Variants in STKLD1 observed in about 807,000 individuals in gnomAD.
The protein encoded by STKLD1 is serine/threonine kinase-like domain-containing protein STKLD1.
A neutral mutation model predicts 80.4 loss-of-function variants in STKLD1; 79 were observed. That is an observed-to-expected ratio of 0.98 (90% CI 0.82 to 1.19). The LOEUF (loss-of-function observed/expected upper bound fraction) is 1.19, where lower values mean the gene tolerates loss of function less well. Ranked by LOEUF, STKLD1 falls within the 50% of genes most tolerant of loss-of-function variation. STKLD1 has a pLI of 0.00. For missense variants in STKLD1, 841 were observed against 856.0 expected (o/e 0.98, Z 0.22); for synonymous variants, 393 against 357.6 (o/e 1.10, Z -1.12).
intron 1 of STKLD1, among the ~76,000 whole-genome samples, chr9:133,378,814 GA>G (rs112271915): frequency 0.017 from 2,586 of 152,342 alleles, 80 homozygotes; most frequent in African/African-American, 0.06. Context: ...GGTTGTAGAA[GA>G]GCTCCAGAAT....
intron 1 of STKLD1, among the ~76,000 whole-genome samples, chr9:133,377,787 TTAGTG>T (rs1195389953): frequency 6.6e-6 from 1 of 152,218 alleles, no homozygotes; most frequent in East Asian, 1.9e-4. Flanking sequence ...CACATTACAC[TTAGTG>T]TGCAGTTCAT....
At position 133,384,043 on chromosome 9, in the gene STKLD1, G is replaced by A. The variant is rs1838210776; in HGVS notation, c.219+143G>A. ...TCAGCACCAGTTTTGCCTCAGCTGT[G>A]AAGCCAGCAGCCCCAGGTCATGAAG... On this transcript the variant is annotated intron_variant, in intron 3 of 17. Transcript: ENST00000371957. The surrounding 1 kb of genome is among the most constrained non-coding windows in gnomAD (Gnocchi z 4.3). 1.3e-6 allele frequency: 1 copy of A among 747,028 alleles called. No individual in the cohort carries two copies. The highest frequency in any genetic ancestry group is 2.3e-6 in the Non-Finnish European group (1 of 435,978). The allele number at this position is 747,028 out of a possible 1,614,324, so 46.3% of individuals were successfully genotyped here.
chr9:133,382,186 C>T (rs2130267812), intron 2 of STKLD1, among the ~76,000 whole-genome samples: 4 of 152,184 alleles, frequency 2.6e-5, no homozygotes, highest in Non-Finnish European at 4.4e-5. Flanking sequence ...CAACCTTCCC[C>T]ATGTGGGTAA....
At chr9:133,396,095 A>T (rs1554776706) in intron 9 of STKLD1, 1 of 191,032 alleles carries the variant, frequency 5.2e-6, no homozygotes. Context: ...GGTCACCTTT[A>T]AATTTTTCAT....
intron 9 of STKLD1, chr9:133,396,148 C>T (rs1201829932): frequency 3.6e-5 from 6 of 168,172 alleles, no homozygotes; most frequent in Admixed American, 1.1e-4. Flanking sequence ...AAATACATAA[C>T]ACTGGCCGGG....
rs1052916702 is a variant in STKLD1 at position 133,389,303 on chromosome 9, G to A, written c.397-223G>A. 5.1e-6 allele frequency: 5 copies of A among 985,310 alleles called. No homozygotes were observed. The highest frequency in any genetic ancestry group is 4.8e-6 in the Non-Finnish European group (4 of 829,900). The allele number at this position is 985,310 out of a possible 1,614,324, so 61.0% of individuals were successfully genotyped here. ...TCTCTGGTATGGAGACAGCAGTGTG[G>A]AGTCTGGAAACTCAGAGTCCTTCTG... On this transcript the variant is annotated intron_variant, in intron 5 of 17. Coordinates refer to ENST00000371957, the MANE Select transcript of STKLD1 (RefSeq NM_153710.5). The surrounding 1 kb of genome is among the most constrained non-coding windows in gnomAD (Gnocchi z 6.4).
intron 10 of STKLD1, 21 bp from the exon 11 acceptor site, chr9:133,397,951 C>G (rs375521277): frequency 6.2e-7 from 1 of 1,606,452 alleles, no homozygotes; most frequent in Non-Finnish European, 8.5e-7. Context: ...AGGTCCCTCC[C>G]CTGCCTTCCT....
intron 10 of STKLD1, 119 bp downstream of exon 10, chr9:133,397,413 C>A (rs55982317): frequency 1.5e-6 from 2 of 1,328,052 alleles, no homozygotes; most frequent in African/African-American, 1.4e-5. Context: ...TCCACATGCA[C>A]GACCAGTGGG....
Position 133,385,025 on chromosome 9 carries a change from A to C in STKLD1, c.220-592A>C, listed in dbSNP as rs2130273518. ...GCTACTCGGTAACAAATGGGAAGAA[A>C]GAGCATGGGGCCTGCCCAGAGCCGC... is the stretch of plus-strand genomic sequence containing the variant. On this transcript the variant is annotated intron_variant, in intron 3 of 17. Coordinates refer to ENST00000371957, the MANE Select transcript of STKLD1 (RefSeq NM_153710.5). This position sits in a 1 kb window ranked among gnomAD's most constrained non-coding sequence, Gnocchi z 4.9. Among the ~76,000 whole-genome samples, 16 of 152,176 alleles carry C rather than the reference A, an allele frequency of 1.1e-4. No homozygotes were observed. The highest frequency in any genetic ancestry group is 3.9e-4 in the African/African-American group (16 of 41,428).
rs1387225089 is a variant in STKLD1 at position 133,385,184 on chromosome 9, C to T, written c.220-433C>T. Among the ~76,000 whole-genome samples, 2 of 152,196 alleles carry T rather than the reference C, an allele frequency of 1.3e-5. No homozygotes were observed. The highest frequency in any genetic ancestry group is 2.9e-5 in the Non-Finnish European group (2 of 68,028). ...TGTCTCTAAGGCAGCCCTATCTGCT[C>T]CTGTTTGGGCATGTTTCAAAGCACT... On this transcript the variant is annotated intron_variant, in intron 3 of 17. Coordinates refer to ENST00000371957, the MANE Select transcript of STKLD1 (RefSeq NM_153710.5). The surrounding 1 kb of genome is among the most constrained non-coding windows in gnomAD (Gnocchi z 4.9).
At chr9:133,378,035 G>A (rs2130256502) in intron 1 of STKLD1, among the ~76,000 whole-genome samples, 1 of 152,282 alleles carries the variant, frequency 6.6e-6, no homozygotes, top group South Asian at 2.1e-4. Flanking sequence ...TGCTGCTGCT[G>A]AGCTGACAGG....
intron 5 of STKLD1, among the ~76,000 whole-genome samples, chr9:133,388,454 C>T (rs1838312466): frequency 6.6e-6 from 1 of 152,046 alleles, no homozygotes; most frequent in African/African-American, 2.4e-5. Flanking sequence ...GCTATGTTGC[C>T]CAGGCTGGTC....
rs2130284975 is a variant in STKLD1, at chr9:133,389,733, G to A, written c.467+137G>A. On this transcript the variant is annotated intron_variant, in intron 6 of 17. Transcript: ENST00000371957. This position sits in a 1 kb window ranked among gnomAD's most constrained non-coding sequence, Gnocchi z 6.4. ...GGGCCAGTGCAGCCAGGATAGGATG[G>A]GACCTTACAGAGCTCCTCCCGGGCT... The A allele has an allele frequency of 5.0e-6, 7 of 1,400,428 alleles. No individual in the cohort carries two copies. In the South Asian group the frequency reaches 9.7e-5, roughly 19 times the overall value. 86.8% of individuals were successfully genotyped at this position (1,400,428 alleles called of 1,614,324 possible).
chr9:133,403,800 C>A lies in STKLD1; in HGVS notation c.1575C>A (p.Cys525Ter). 6 of 1,613,628 alleles carry A rather than the reference C, an allele frequency of 3.7e-6. No individual in the cohort carries two copies. The highest frequency in any genetic ancestry group is 5.1e-6 in the Non-Finnish European group (6 of 1,179,966). ...ATGGGGAAATGGCAGAAGCCAGCTG[C>A]GGAGTCTTCTGGCTGCTGTCCCTGC... ...PADGEMAEAS[C>*]GVFWLLSLLG... is the part of the protein sequence containing the mutation. Residue 525 changes from cysteine to a stop codon, truncating the protein, a stop_gained, in exon 15 of 18, where the codon TGC becomes TGA. Transcript: ENST00000371957. LOFTEE classifies it high-confidence loss of function.
Position 133,401,772 on chromosome 9 carries a change from C to A in STKLD1, c.1233C>A (p.Cys411Ter), listed in dbSNP as rs1554777706. The change falls in exon 13 of 18, where the codon TGC (cysteine) becomes TGA (stop). Residue 411 changes from cysteine (C) to a stop codon, truncating the protein, a stop_gained. Coordinates refer to ENST00000371957, the MANE Select transcript of STKLD1 (RefSeq NM_153710.5). LOFTEE classifies it high-confidence loss of function. ...ACCACCCGGAAGCCAAGGCTCCCTGCAACCAAGCCATCACCTCCACCCTGC... is the reference window on the plus strand; with the variant it reads ...ACCACCCGGAAGCCAAGGCTCCCTGAAACCAAGCCATCACCTCCACCCTGC... ...LVHHPEAKAP[C>*]NQAITSTLLS... 1 of 1,613,474 alleles carries A rather than the reference C, an allele frequency of 6.2e-7. No homozygotes were observed. The highest frequency in any genetic ancestry group is 1.1e-5 in the South Asian group (1 of 91,076).
intron 8 of STKLD1, among the ~76,000 whole-genome samples, chr9:133,395,019 G>T (rs2119234006): frequency 6.6e-6 from 1 of 152,274 alleles, no homozygotes; most frequent in African/African-American, 2.4e-5. Flanking sequence ...TCTATATGCA[G>T]AAGAGAAAAG....
chr9:133,400,841 C>G (rs937891841), intron 12 of STKLD1, among the ~76,000 whole-genome samples: 1 of 152,226 alleles, frequency 6.6e-6, no homozygotes, highest in Non-Finnish European at 1.5e-5. Flanking sequence ...AGCTTGGAGA[C>G]GCGGATCCCA....
At chr9:133,382,305 G>A (rs1838150465) in intron 2 of STKLD1, among the ~76,000 whole-genome samples, 1 of 152,234 alleles carries the variant, frequency 6.6e-6, no homozygotes, top group Non-Finnish European at 1.5e-5. Context: ...ATATTATGCT[G>A]TCCTAAACTT....
chr9:133,400,843 C>T (rs1449119323), intron 12 of STKLD1, among the ~76,000 whole-genome samples: 5 of 152,210 alleles, frequency 3.3e-5, no homozygotes, highest in African/African-American at 7.2e-5. Context: ...CTTGGAGACG[C>T]GGATCCCACC....
Sources: allele counts gnomAD v4.1 joint callset (sites outside exome capture counted in the v4.1 genomes callset), GRCh38; gene constraint gnomAD v4.1.1; non-coding constraint Gnocchi (gnomAD v3.1); transcripts MANE v1.5; gene names NCBI Gene and HGNC (gene_info 2026-07-23, HGNC 2026-07-21).